LARGE1: variants seen among roughly 807,000 people sequenced by gnomAD.
The protein encoded by LARGE1 is xylosyl- and glucuronyltransferase LARGE1.
Under a neutral mutation model 87.6 loss-of-function variants are expected in LARGE1, and 43 were observed. The observed-to-expected ratio is 0.49, with a 90% CI of 0.38 to 0.63. The LOEUF (loss-of-function observed/expected upper bound fraction) is 0.63. LARGE1 is among the 30% of genes least tolerant of loss of function. The probability of loss-of-function intolerance (pLI) is 0.00; values close to 1 mark genes in which losing one functional copy is unlikely to be tolerated. For synonymous variants in LARGE1, 434 were observed against 394.6 expected, an observed-to-expected ratio of 1.10 and a Z score of -1.18; for missense variants, 802 against 1,000.2, an observed-to-expected ratio of 0.80 and a Z score of 2.67.
chr22:33,347,501 CAT>C (rs1939896290), intron 9 of LARGE1, among the ~76,000 whole-genome samples: 1 of 152,204 alleles, frequency 6.6e-6, no homozygotes, highest in African/African-American at 2.4e-5. Context: ...AATGGAGAAA[CAT>C]ATTCCCCTTT....
At chr22:33,145,089 G>C in the LARGE1 span, among the ~76,000 whole-genome samples, 3 of 152,082 alleles carry the variant, frequency 2.0e-5, no homozygotes, top group Non-Finnish European at 2.9e-5. Flanking sequence ...GGGCCCTGAC[G>C]GGGGAGGAGA....
At chr22:33,814,165 G>A (rs1002510463) in intron 1 of LARGE1, among the ~76,000 whole-genome samples, 10 of 152,096 alleles carry the variant, frequency 6.6e-5, no homozygotes. Flanking sequence ...TGCTCTCCAA[G>A]AAAGGCTAGT....
chr22:33,766,326 C>T (rs534029916), intron 1 of LARGE1, among the ~76,000 whole-genome samples: 9 of 152,304 alleles, frequency 5.9e-5, no homozygotes, highest in African/African-American at 2.2e-4. Context: ...GTCAACTCCT[C>T]CTCCTAAACA....
chr22:33,902,017 A>G (rs530670385), intron 1 of LARGE1, among the ~76,000 whole-genome samples: 3 of 152,232 alleles, frequency 2.0e-5, no homozygotes, highest in Non-Finnish European at 2.9e-5. Context: ...AACAGTAATT[A>G]GTGCAAGAGC....
At chr22:33,335,625 C>T (rs933647571) in intron 10 of LARGE1, among the ~76,000 whole-genome samples, 1 of 152,162 alleles carries the variant, frequency 6.6e-6, no homozygotes, top group African/African-American at 2.4e-5. Context: ...AACATACAAC[C>T]TCCTACCAAT....
intron 11 of LARGE1, among the ~76,000 whole-genome samples, chr22:33,221,307 C>T (rs749342039): frequency 1.8e-4 from 28 of 152,074 alleles, no homozygotes; most frequent in South Asian, 4.1e-4. Flanking sequence ...ATGCCTGTGC[C>T]GGTTTTTTTC....
chr22:33,551,980 C>A (rs1453074809), intron 6 of LARGE1, among the ~76,000 whole-genome samples: 1 of 100,294 alleles, frequency 1.0e-5, no homozygotes, highest in Admixed American at 1.6e-4. Flanking sequence ...GGCGACAGAG[C>A]AAGGCTCCGT....
At chr22:33,166,822 T>A in exon 12 of LARGE1, 1 of 471,488 alleles carries the variant, frequency 2.1e-6, no homozygotes. Context: ...AGGGTCTGGC[T>A]AAAATCAAAG....
chr22:33,430,689 G>C (rs1255139679), intron 7 of LARGE1, among the ~76,000 whole-genome samples: 1 of 152,180 alleles, frequency 6.6e-6, no homozygotes, highest in Non-Finnish European at 1.5e-5. Flanking sequence ...AGGGCTCCCT[G>C]GCTGCCTGCC....
At chr22:33,676,988 C>A (rs944544810) in intron 2 of LARGE1, among the ~76,000 whole-genome samples, 1 of 151,490 alleles carries the variant, frequency 6.6e-6, no homozygotes, top group Non-Finnish European at 1.5e-5. Flanking sequence ...TTTTACTTTT[C>A]ATAAAACCCT....
At chr22:33,866,165 A>G (rs1470951511) in intron 1 of LARGE1, among the ~76,000 whole-genome samples, 1 of 151,910 alleles carries the variant, frequency 6.6e-6, no homozygotes, top group African/African-American at 2.4e-5. Context: ...GATGTGGCCA[A>G]CTCAGCTGCT....
chr22:33,502,021 C>T (rs2070464178), intron 6 of LARGE1, among the ~76,000 whole-genome samples: 1 of 151,886 alleles, frequency 6.6e-6, no homozygotes, highest in African/African-American at 2.4e-5. Flanking sequence ...GGTGAAACCC[C>T]ATCTCTCTAT....
At chr22:33,780,113 C>A (rs767849686) in intron 1 of LARGE1, among the ~76,000 whole-genome samples, 3 of 152,222 alleles carry the variant, frequency 2.0e-5, no homozygotes, top group Non-Finnish European at 2.9e-5. Context: ...ACAACTCCAA[C>A]CTTCACGCGA....
intron 2 of LARGE1, among the ~76,000 whole-genome samples, chr22:33,660,365 C>T (rs1031434756): frequency 2.6e-5 from 4 of 152,062 alleles, no homozygotes; most frequent in African/African-American, 7.2e-5. Context: ...CTTAGATCAC[C>T]AGGTGGTTTA....
intron 11 of LARGE1, among the ~76,000 whole-genome samples, chr22:33,203,662 C>T (rs530319733): frequency 1.3e-5 from 2 of 152,270 alleles, no homozygotes; most frequent in East Asian, 1.9e-4. Context: ...GAAAAACCCA[C>T]GAGGAACTGC....
intron 11 of LARGE1, among the ~76,000 whole-genome samples, chr22:33,238,336 G>A (rs1926353780): frequency 6.6e-6 from 1 of 152,204 alleles, no homozygotes; most frequent in Non-Finnish European, 1.5e-5. Flanking sequence ...TCTTGATCCT[G>A]TAAGTGGCTA....
chr22:33,183,601 A>AACAC (rs779274464), intron 11 of LARGE1, among the ~76,000 whole-genome samples: 39 of 104,282 alleles, frequency 3.7e-4, no homozygotes, highest in Middle Eastern at 4.5e-3. Context: ...TGATGGATAA[A>AACAC]ACACACACAC....
At chr22:33,774,282 AAACTT>A (rs1223271297) in intron 1 of LARGE1, among the ~76,000 whole-genome samples, 3 of 152,160 alleles carry the variant, frequency 2.0e-5, no homozygotes, top group African/African-American at 7.2e-5. Context: ...CACTCTTACA[AAACTT>A]ACCTTATTCT....
At chr22:33,089,425 C>CTCTTCCTCTTCT in the LARGE1 span, among the ~76,000 whole-genome samples, 4 of 76,826 alleles carry the variant, frequency 5.2e-5, no homozygotes, top group South Asian at 1.7e-3. Context: ...CTTCTTCTTC[C>CTCTTCCTCTTCT]TCTTCCTCTT....
Sources: gnomAD v4.1 joint callset for allele counts (sites outside exome capture counted in the v4.1 genomes callset) on GRCh38, gnomAD v4.1.1 for gene constraint, MANE v1.5 for transcripts, NCBI Gene and HGNC (gene_info 2026-07-23, HGNC 2026-07-21) for gene names.